PTTG1IP: variants seen among roughly 807,000 people sequenced by gnomAD.
The protein encoded by PTTG1IP is pituitary tumor-transforming gene 1 protein-interacting protein.
In PTTG1IP, 16 loss-of-function variants were observed where a neutral mutation model predicts 24.4. The observed-to-expected ratio is 0.66, with a 90% CI of 0.44 to 1.00. The LOEUF (loss-of-function observed/expected upper bound fraction) is 1.00, where lower values mean the gene tolerates loss of function less well. Ranked by LOEUF, PTTG1IP falls within the 50% of genes least tolerant of loss-of-function variation. The pLI is 0.00. For synonymous variants in PTTG1IP, 89 were observed against 96.8 expected (o/e 0.92, Z 0.47); for missense variants, 241 against 245.8 (o/e 0.98, Z 0.13).
intron 1 of PTTG1IP, among the ~76,000 whole-genome samples, chr21:44,870,102 T>C (rs2083572384): frequency 6.6e-6 from 1 of 152,102 alleles, no homozygotes; most frequent in Admixed American, 6.6e-5. Flanking sequence ...CCGCCCAACA[T>C]TCCTCCTGCT....
rs749580471 is a variant in PTTG1IP at position 44,855,177 on chromosome 21, A to G, written c.496+33T>C. Reference sequence around the variant, plus strand: ...CGAGACAGCGTGCCATCGCCTCCCAACCAGACAAAAAGGAGGCGTGACCAG... The same window carrying G: ...CGAGACAGCGTGCCATCGCCTCCCAGCCAGACAAAAAGGAGGCGTGACCAG... On this transcript the variant is annotated intron_variant, in intron 5 of 5. Transcript: ENST00000330938. The G allele has an allele frequency of 6.0e-5, 95 of 1,588,342 alleles. 2 individuals are homozygous for G. The Middle Eastern group carries it at 2.7e-3, about 44-fold the overall frequency.
rs141726521 is a variant in PTTG1IP, at chr21:44,856,262, C to T, written c.380G>A (p.Arg127Gln). The T allele has an allele frequency of 1.4e-3, 2,239 of 1,614,160 alleles. 4 individuals carry two copies. Among genetic ancestry groups the T allele is most frequent in the Non-Finnish European group, 1.6e-3 (1,860 of 1,180,000 alleles). The change falls in exon 4 of 6, where the codon CGG becomes CAG. Residue 127 changes from arginine (R) to glutamine (Q), a missense_variant. Transcript: ENST00000330938. ...CTTCTCCTCACTCCTGTCCGGCTTCCGGCTCCTCTTCCTCCTGCAGCAGCA... is the reference window on the plus strand; with the variant it reads ...CTTCTCCTCACTCCTGTCCGGCTTCTGGCTCCTCTTCCTCCTGCAGCAGCA... ...CCCCCRRKRS[R>Q]KPDRSEEKAM... is the part of the protein sequence containing the mutation.
In PTTG1IP at chr21:44,873,520, G is replaced by A. The variant is rs2083608048; in HGVS notation, c.97C>T (p.Gln33Ter). The A allele has an allele frequency of 6.8e-7, 1 of 1,464,770 alleles. No individual in the cohort carries two copies. Among genetic ancestry groups the A allele is most frequent in the Admixed American group, 2.5e-5 (1 of 40,440 alleles). The allele number at this position is 1,464,770 out of a possible 1,614,324, so 90.7% of individuals were successfully genotyped here. A position where few individuals can be genotyped will look rare whatever the true frequency, so the allele number is the denominator to read the frequency against. The change falls in exon 1 of 6, where the codon CAG becomes TAG. Residue 33 changes from glutamine (Q) to a stop codon, truncating the protein, a stop_gained. Coordinates refer to ENST00000330938, the MANE Select transcript of PTTG1IP (RefSeq NM_004339.4). LOFTEE classifies it high-confidence loss of function. ...LLLLIPVAAAQEPPGAACSQN... is the reference protein window; with the variant it reads ...LLLLIPVAAA ...CCCTCACCAGCTCCGGGAGGCTCCTGCGCGGCGGCCACCGGGATGAGCAGC... is the reference window on the plus strand; with the variant it reads ...CCCTCACCAGCTCCGGGAGGCTCCTACGCGGCGGCCACCGGGATGAGCAGC...
At chr21:44,870,358 T>C (rs893884509) in intron 1 of PTTG1IP, among the ~76,000 whole-genome samples, 5 of 151,972 alleles carry the variant, frequency 3.3e-5, no homozygotes, top group African/African-American at 1.2e-4. Flanking sequence ...CTGGCCGACA[T>C]GGAGAAACCC....
At chr21:44,859,913 TAAAC>T (rs1015556527) in intron 3 of PTTG1IP, among the ~76,000 whole-genome samples, 8 of 152,160 alleles carry the variant, frequency 5.3e-5, no homozygotes, top group African/African-American at 1.9e-4. Flanking sequence ...AAGATGCAAA[TAAAC>T]AAAAAGAATC....
rs1220205978 is a variant in PTTG1IP, at chr21:44,851,396, G to C, written c.*185C>G. The C allele has an allele frequency of 6.4e-7, 1 of 1,553,688 alleles. No homozygotes were observed. The highest frequency in any genetic ancestry group is 8.7e-7 in the Non-Finnish European group (1 of 1,152,830). On this transcript the variant is annotated 3_prime_UTR_variant, in exon 6 of 6. Transcript: ENST00000330938. ...AAACAGAGATGAACAGGGAATAGAA[G>C]GTCACCAGTCTGCAAGACGAGAGGA...
intron 1 of PTTG1IP, among the ~76,000 whole-genome samples, chr21:44,872,538 C>T (rs2083595789): frequency 6.6e-6 from 1 of 152,158 alleles, no homozygotes; most frequent in African/African-American, 2.4e-5. Flanking sequence ...AAACTCCACA[C>T]ACGGAAGCCA....
chr21:44,869,051 G>C (rs552367741), intron 1 of PTTG1IP, among the ~76,000 whole-genome samples: 100 of 152,328 alleles, frequency 6.6e-4, no homozygotes, highest in African/African-American at 2.1e-3. Context: ...CCGTGCTCCT[G>C]CCAAAGCGCA....
intron 3 of PTTG1IP, among the ~76,000 whole-genome samples, chr21:44,860,619 A>C (rs2083483748): frequency 6.6e-6 from 1 of 152,050 alleles, no homozygotes. Flanking sequence ...CCTTTTCCCC[A>C]CACCTTCTGT....
chr21:44,865,269 C>T, intron 2 of PTTG1IP, 126 bp downstream of exon 2: 1 of 934,948 alleles, frequency 1.1e-6, no homozygotes, highest in South Asian at 1.5e-5. Context: ...TTCCAAAAAA[C>T]ATCCCCCCAA....
intron 1 of PTTG1IP, among the ~76,000 whole-genome samples, chr21:44,869,011 G>A (rs560865471): frequency 3.3e-5 from 5 of 152,300 alleles, no homozygotes; most frequent in East Asian, 1.9e-4. Context: ...TGCCTCCCAC[G>A]GAGGATACTG....
intron 1 of PTTG1IP, among the ~76,000 whole-genome samples, chr21:44,867,279 C>T (rs2083549601): frequency 6.6e-6 from 1 of 152,214 alleles, no homozygotes; most frequent in Non-Finnish European, 1.5e-5. Flanking sequence ...AAACGAACTG[C>T]TCTATGTAAA....
At chr21:44,869,509 G>A (rs1172091684) in intron 1 of PTTG1IP, among the ~76,000 whole-genome samples, 4 of 152,206 alleles carry the variant, frequency 2.6e-5, no homozygotes, top group Non-Finnish European at 5.9e-5. Context: ...ATGTCACCCA[G>A]GCTGGTCTTG....
At chr21:44,863,104 C>A (rs1222716817) in intron 2 of PTTG1IP, among the ~76,000 whole-genome samples, 3 of 150,174 alleles carry the variant, frequency 2.0e-5, no homozygotes, top group Admixed American at 1.3e-4. Context: ...ACACACAGCC[C>A]GCCACGGCCT....
chr21:44,873,540 A>G lies in PTTG1IP; in HGVS notation c.77T>C (p.Leu26Pro). ...RLGGAALLLL[L>P]IPVAAAQEPP... ...CTCCTGCGCGGCGGCCACCGGGATGAGCAGCAGGAGCAGCGCGGCGCCACC... is the reference window on the plus strand; with the variant it reads ...CTCCTGCGCGGCGGCCACCGGGATGGGCAGCAGGAGCAGCGCGGCGCCACC... Residue 26 changes from leucine (L) to proline (P), a missense_variant, in exon 1 of 6, where the codon CTC becomes CCC. Transcript: ENST00000330938. 3 of 1,463,516 alleles carry G rather than the reference A, an allele frequency of 2.0e-6. No individual in the cohort carries two copies. Among genetic ancestry groups the G allele is most frequent in the Non-Finnish European group, 2.7e-6 (3 of 1,113,034 alleles). 90.7% of individuals were successfully genotyped at this position (1,463,516 alleles called of 1,614,324 possible). A position where few individuals can be genotyped will look rare whatever the true frequency, so the allele number is the denominator to read the frequency against.
intron 2 of PTTG1IP, among the ~76,000 whole-genome samples, chr21:44,862,639 A>T (rs536811535): frequency 1.3e-5 from 2 of 152,350 alleles, no homozygotes; most frequent in East Asian, 3.8e-4. Context: ...CTGACTTTTT[A>T]ATAGGATAGA....
intron 1 of PTTG1IP, among the ~76,000 whole-genome samples, chr21:44,871,819 A>AG (rs1344125966): frequency 1.3e-5 from 2 of 152,188 alleles, no homozygotes; most frequent in Non-Finnish European, 2.9e-5. Context: ...TCCTATTCCA[A>AG]GGGGTCCCCA....
chr21:44,873,502 C>G lies in PTTG1IP; in HGVS notation c.115G>C (p.Ala39Pro), dbSNP rs776585974. 42 of 1,436,040 alleles carry G rather than the reference C, an allele frequency of 2.9e-5. No individual in the cohort carries two copies. The Middle Eastern group carries it at 7.1e-4, about 24-fold the overall frequency. 89.0% of individuals were successfully genotyped at this position (1,436,040 alleles called of 1,614,324 possible). A position where few individuals can be genotyped will look rare whatever the true frequency, so the allele number is the denominator to read the frequency against. Reference sequence around the variant, plus strand: ...GCCCCGCCCGCCCCGGCGCCCTCACCAGCTCCGGGAGGCTCCTGCGCGGCG... The same window carrying G: ...GCCCCGCCCGCCCCGGCGCCCTCACGAGCTCCGGGAGGCTCCTGCGCGGCG... ...VAAAQEPPGA[A>P]CSQNTNKTCE... is the part of the protein sequence containing the mutation. The change falls in exon 1 of 6, where the codon GCT becomes CCT. Residue 39 changes from alanine to proline, a missense_variant and splice_region_variant. By Grantham distance (27) the Ala-to-Pro change is conservative. Transcript: ENST00000330938.
chr21:44,851,217 C>T lies in PTTG1IP; in HGVS notation c.*364G>A. On this transcript the variant is annotated 3_prime_UTR_variant, in exon 6 of 6. Coordinates refer to ENST00000330938, the MANE Select transcript of PTTG1IP (RefSeq NM_004339.4). ...GTTGCGTGTGAAGCTTGTTAGTGGA[C>T]AGAGAGAAACGCAGGGTTCTGCCCT... The T allele has an allele frequency of 9.9e-7, 1 of 1,008,386 alleles. No homozygotes were observed. The highest frequency in any genetic ancestry group is 1.6e-5 in the African/African-American group (1 of 61,312). 62.5% of individuals were successfully genotyped at this position (1,008,386 alleles called of 1,614,324 possible).
Sources: allele counts gnomAD v4.1 joint callset (sites outside exome capture counted in the v4.1 genomes callset), GRCh38; gene constraint gnomAD v4.1.1; transcripts MANE v1.5; gene names NCBI Gene and HGNC (gene_info 2026-07-23, HGNC 2026-07-21).